Variants in NEK11 observed in about 807,000 individuals in gnomAD.
NEK11 encodes the protein NIMA related kinase 11.
A neutral mutation model predicts 80.7 loss-of-function variants in NEK11; 72 were observed. That is an observed-to-expected ratio of 0.89 (90% CI 0.74 to 1.08). The LOEUF (loss-of-function observed/expected upper bound fraction) is 1.08. NEK11 is among the 50% of genes least tolerant of loss of function. The pLI, the probability that NEK11 is intolerant of heterozygous loss-of-function variation, is 0.00. For synonymous variants in NEK11, 251 were observed against 260.7 expected, an observed-to-expected ratio of 0.96 and a Z score of 0.36; for missense variants, 764 against 763.6, an observed-to-expected ratio of 1.00 and a Z score of -0.01.
chr3:131,157,955 G>A (rs2090951214), intron 10 of NEK11, among the ~76,000 whole-genome samples: 2 of 152,146 alleles, frequency 1.3e-5, no homozygotes, highest in African/African-American at 4.8e-5. Context: ...TTTGGTGCTT[G>A]AGTGTCTGCA....
At chr3:131,280,844 A>G (rs1304317757) in intron 17 of NEK11, among the ~76,000 whole-genome samples, 1 of 152,214 alleles carries the variant, frequency 6.6e-6, no homozygotes, top group African/African-American at 2.4e-5. Flanking sequence ...ATGTGGGACC[A>G]GGGCAGCATT....
intron 14 of NEK11, among the ~76,000 whole-genome samples, chr3:131,187,963 T>G (rs1195941814): frequency 6.6e-6 from 1 of 152,120 alleles, no homozygotes; most frequent in East Asian, 1.9e-4. Flanking sequence ...AAAATACAAT[T>G]TAATTAGAGA....
chr3:131,027,899 G>T (rs1221090477), intron 1 of NEK11, 31 bp from the exon 2 acceptor site: 1 of 152,130 alleles, frequency 6.6e-6, no homozygotes, highest in Admixed American at 6.5e-5. Context: ...TTCTCATTCT[G>T]TCCGTCCCTA....
At chr3:131,200,356 A>G (rs2094180326) in intron 14 of NEK11, among the ~76,000 whole-genome samples, 1 of 152,228 alleles carries the variant, frequency 6.6e-6, no homozygotes, top group Admixed American at 6.5e-5. Context: ...ATGTGGAACT[A>G]CAAAGACAAA....
At chr3:131,307,787 C>T (rs2096737443) in intron 17 of NEK11, among the ~76,000 whole-genome samples, 1 of 152,192 alleles carries the variant, frequency 6.6e-6, no homozygotes, top group South Asian at 2.1e-4. Flanking sequence ...GCAATATCTT[C>T]AATAGTTCTG....
chr3:131,202,620 T>C (rs1412066959), intron 14 of NEK11, among the ~76,000 whole-genome samples: 6 of 152,042 alleles, frequency 3.9e-5, no homozygotes, highest in Non-Finnish European at 8.8e-5. Flanking sequence ...CAAAAGAAAC[T>C]ACCATCAGAG....
chr3:131,277,830 G>T (rs767515951), intron 17 of NEK11, among the ~76,000 whole-genome samples: 3 of 152,142 alleles, frequency 2.0e-5, no homozygotes, highest in Non-Finnish European at 2.9e-5. Context: ...TGTGAAGTGG[G>T]ACTAATAATG....
At chr3:131,243,334 C>T in intron 15 of NEK11, 102 bp from the exon 16 acceptor site, 2 of 1,024,352 alleles carry the variant, frequency 2.0e-6, no homozygotes, top group East Asian at 2.6e-5. Context: ...ATTTTGGAAC[C>T]AGATTTTTTT....
At chr3:131,265,118 A>G (rs2096020421) in intron 16 of NEK11, among the ~76,000 whole-genome samples, 2 of 152,186 alleles carry the variant, frequency 1.3e-5, no homozygotes, top group Admixed American at 1.3e-4. Context: ...TTTTGGGCTG[A>G]GACGAGGGGG....
chr3:131,138,097 G>C lies in NEK11; in HGVS notation c.647+4141G>C, dbSNP rs187257863. Among the ~76,000 whole-genome samples, 18 of 152,316 alleles carry C rather than the reference G, an allele frequency of 1.2e-4. No individual in the cohort carries two copies. In the East Asian group the frequency reaches 3.5e-3, roughly 29 times the overall value. On this transcript the variant is annotated intron_variant, in intron 7 of 17. Transcript: ENST00000383366. ...CAGCCACAGTGGTGTAGAGGACCAA[G>C]TGAGATCTTGGAGTCCCTGATTTCA... is the stretch of plus-strand genomic sequence containing the variant.
chr3:131,290,283 T>C (rs1292541565), intron 17 of NEK11, among the ~76,000 whole-genome samples: 3 of 152,168 alleles, frequency 2.0e-5, no homozygotes, highest in Non-Finnish European at 4.4e-5. Flanking sequence ...TCAAAATGTG[T>C]GCACCTTCAC....
intron 4 of NEK11, among the ~76,000 whole-genome samples, chr3:131,100,689 G>T (rs2078240305): frequency 6.6e-6 from 1 of 152,132 alleles, no homozygotes; most frequent in Non-Finnish European, 1.5e-5. Flanking sequence ...CATGGATATT[G>T]GCCTGAAGTT....
intron 7 of NEK11, among the ~76,000 whole-genome samples, chr3:131,143,915 T>C (rs1307499012): frequency 6.6e-6 from 1 of 152,180 alleles, no homozygotes; most frequent in African/African-American, 2.4e-5. Context: ...TAGATTGAAC[T>C]GATTCCTCTT....
intron 3 of NEK11, among the ~76,000 whole-genome samples, chr3:131,030,243 A>T (rs2064608607): frequency 6.6e-6 from 1 of 152,306 alleles, no homozygotes; most frequent in East Asian, 1.9e-4. Flanking sequence ...ACAAAAAAAA[A>T]AAAAGAACAT....
At chr3:131,309,987 TAAAAAAAAAAAAAAAAAAAAAAAA>T (rs558210123) in intron 17 of NEK11, among the ~76,000 whole-genome samples, 7 of 23,308 alleles carry the variant, frequency 3.0e-4, no homozygotes, top group East Asian at 2.2e-3. Flanking sequence ...AGACCATGTT[TAAAAAAAAAAAAAAAAAAAAAAAA>T]AAAAAAAAAA....
At chr3:131,291,418 T>C (rs182375486) in intron 17 of NEK11, among the ~76,000 whole-genome samples, 14 of 152,346 alleles carry the variant, frequency 9.2e-5, no homozygotes, top group African/African-American at 3.4e-4. Flanking sequence ...TGTGGACATA[T>C]TTTCAACTCC....
intron 16 of NEK11, among the ~76,000 whole-genome samples, chr3:131,272,391 A>G (rs1247500532): frequency 6.7e-6 from 1 of 150,322 alleles, no homozygotes; most frequent in Non-Finnish European, 1.5e-5. Flanking sequence ...AGGAAAGAGC[A>G]GCATAGGGCC....
intron 16 of NEK11, among the ~76,000 whole-genome samples, chr3:131,257,346 T>C (rs555920466): frequency 4.6e-5 from 7 of 152,208 alleles, no homozygotes; most frequent in Admixed American, 2.0e-4. Flanking sequence ...CCTAATTACA[T>C]GGGAGACTGG....
intron 12 of NEK11, among the ~76,000 whole-genome samples, chr3:131,167,528 G>T (rs770191231): frequency 1.3e-5 from 2 of 151,980 alleles, no homozygotes; most frequent in Non-Finnish European, 2.9e-5. Context: ...TTTATTGGAT[G>T]GAATTATTAT....
Sources: gnomAD v4.1 joint callset for allele counts (sites outside exome capture counted in the v4.1 genomes callset) on GRCh38, gnomAD v4.1.1 for gene constraint, MANE v1.5 for transcripts, NCBI Gene and HGNC (gene_info 2026-07-23, HGNC 2026-07-21) for gene names.